The following PIWIL3 variants were observed in gnomAD, a reference collection of about 807,000 sequenced individuals.
The protein encoded by PIWIL3 is piwi like RNA-mediated gene silencing 3, also known as piwi-like protein 3.
Under a neutral mutation model 109.7 loss-of-function variants are expected in PIWIL3, and 101 were observed. That is an observed-to-expected ratio of 0.92 (90% CI 0.78 to 1.09). The LOEUF (loss-of-function observed/expected upper bound fraction) is 1.09. Ranked by LOEUF, PIWIL3 falls within the 50% of genes least tolerant of loss-of-function variation. The pLI is 0.00. For synonymous variants in PIWIL3, 373 were observed against 376.4 expected, an observed-to-expected ratio of 0.99 and a Z score of 0.10; for missense variants, 1,031 against 1,072.6, an observed-to-expected ratio of 0.96 and a Z score of 0.54.
At chr22:24,720,875 C>G (rs558340635) in intron 19 of PIWIL3, among the ~76,000 whole-genome samples, 1 of 152,182 alleles carries the variant, frequency 6.6e-6, no homozygotes, top group Non-Finnish European at 1.5e-5. Context: ...TCCCTGGTAA[C>G]TAAAGAATCT....
At chr22:24,750,921 C>T (rs865969017) in intron 9 of PIWIL3, among the ~76,000 whole-genome samples, 23 of 151,242 alleles carry the variant, frequency 1.5e-4, no homozygotes, top group African/African-American at 4.8e-4. Flanking sequence ...GTCGGAAGCT[C>T]GAGGCCAGCC....
At chr22:24,773,490 C>G (rs1356842142) in intron 1 of PIWIL3, among the ~76,000 whole-genome samples, 1 of 152,098 alleles carries the variant, frequency 6.6e-6, no homozygotes, top group Non-Finnish European at 1.5e-5. Flanking sequence ...AAAATGGAAG[C>G]CTCTGCCACC....
chr22:24,737,225 T>C (rs527413121), intron 12 of PIWIL3, among the ~76,000 whole-genome samples: 1 of 152,198 alleles, frequency 6.6e-6, no homozygotes, highest in Non-Finnish European at 1.5e-5. Flanking sequence ...GTGAAGACTT[T>C]GTCTTGTATC....
At chr22:24,734,242 A>G (rs1923521984) in intron 13 of PIWIL3, 86 bp from the exon 14 acceptor site, 1 of 1,524,406 alleles carries the variant, frequency 6.6e-7, no homozygotes, top group African/African-American at 1.4e-5. Flanking sequence ...ACAAAGTAAG[A>G]CATGATAAAA....
intron 2 of PIWIL3, 101 bp from the exon 3 acceptor site, chr22:24,760,090 A>G (rs1201290802): frequency 7.5e-6 from 11 of 1,463,048 alleles, no homozygotes; most frequent in Middle Eastern, 3.9e-4. Flanking sequence ...ACTTCCTCTG[A>G]AAAGCTCACA....
intron 12 of PIWIL3, among the ~76,000 whole-genome samples, chr22:24,740,730 T>C (rs1476601307): frequency 6.6e-6 from 1 of 151,798 alleles, no homozygotes; most frequent in Non-Finnish European, 1.5e-5. Context: ...AAACAAACTC[T>C]GAACAGGCCA....
At position 24,762,414 on chromosome 22, in the gene PIWIL3, G is replaced by A; in HGVS notation, c.86C>T (p.Ala29Val). 6.2e-7 allele frequency: 1 copy of A among 1,613,816 alleles called. No homozygotes were observed. Among genetic ancestry groups the A allele is most frequent in the Non-Finnish European group, 8.5e-7 (1 of 1,179,860 alleles). Residue 29 changes from alanine (A) to valine (V), a missense_variant, in exon 2 of 21, where the codon GCA (alanine) becomes GTA (valine). Coordinates refer to ENST00000616349, the MANE Select transcript of PIWIL3 (RefSeq NM_001255975.1). ...YQQEAPGGPR[A>V]PGSATTQEPP... Reference sequence around the variant, plus strand: ...AGGGCTCACTGTAGCTGATCCAGGTGCTCTGGGTCCCCCAGGTGCCTCTTG... The same window carrying A: ...AGGGCTCACTGTAGCTGATCCAGGTACTCTGGGTCCCCCAGGTGCCTCTTG...
At chr22:24,735,067 A>T (rs931833279) in intron 13 of PIWIL3, among the ~76,000 whole-genome samples, 1 of 152,108 alleles carries the variant, frequency 6.6e-6, no homozygotes, top group African/African-American at 2.4e-5. Context: ...AAAAATAAAT[A>T]AATTAGTGGT....
intron 12 of PIWIL3, among the ~76,000 whole-genome samples, chr22:24,740,992 T>C (rs891551641): frequency 2.6e-5 from 4 of 151,988 alleles, no homozygotes; most frequent in African/African-American, 7.3e-5. Flanking sequence ...CTGGTGAACA[T>C]AGATGTAAAA....
chr22:24,768,132 T>A (rs901780118), intron 1 of PIWIL3, among the ~76,000 whole-genome samples: 1 of 152,214 alleles, frequency 6.6e-6, no homozygotes, highest in Non-Finnish European at 1.5e-5. Flanking sequence ...AAAACTCTTA[T>A]TGGGGACTGC....
chr22:24,749,413 G>A lies in PIWIL3; in HGVS notation c.1325C>T (p.Thr442Ile). ...RHHTLKEFIN[T>I]LQDNKKVREL... ...GAAAAGCAGCACTTACTCTTGTAGA[G>A]TATTGATGAATTCTTTTAATGTATG... Residue 442 changes from threonine to isoleucine, a missense_variant, in exon 11 of 21, where the codon ACT (threonine) becomes ATT (isoleucine). By Grantham distance (89) the Thr-to-Ile change is moderately conservative. Transcript: ENST00000616349. 6.2e-7 allele frequency: 1 copy of A among 1,613,778 alleles called. No individual in the cohort carries two copies. The highest frequency in any genetic ancestry group is 2.2e-5 in the East Asian group (1 of 44,882).
chr22:24,739,990 G>T (rs1923892362), intron 12 of PIWIL3, among the ~76,000 whole-genome samples: 1 of 146,952 alleles, frequency 6.8e-6, no homozygotes, highest in African/African-American at 2.5e-5. Flanking sequence ...GGTGGAGCTT[G>T]CACTGAGCCA....
intron 9 of PIWIL3, 56 bp from the exon 10 acceptor site, chr22:24,749,875 A>G: frequency 1.2e-6 from 2 of 1,613,418 alleles, no homozygotes; most frequent in Middle Eastern, 3.3e-4. Flanking sequence ...GAAACATCAC[A>G]CACAGAGGTT....
rs1206172863 is a variant in PIWIL3, at chr22:24,751,390, C to T, written c.1086G>A (p.Arg362=). 2 of 1,605,574 alleles carry T rather than the reference C, an allele frequency of 1.2e-6. No individual in the cohort carries two copies. Among genetic ancestry groups the T allele is most frequent in the Non-Finnish European group, 1.7e-6 (2 of 1,177,288 alleles). Residue 362 remains arginine, a synonymous_variant, in exon 9 of 21, where the codon AGG becomes AGA. Coordinates refer to ENST00000616349, the MANE Select transcript of PIWIL3 (RefSeq NM_001255975.1). The stretch of plus-strand genomic sequence containing the variant: ...TTAAAGAAATACAGTTTCATACCTG[C>T]CTGTAGTAGTCTATATAGGTGATTT... ...GSKITYIDYY[R]QQHKEIVTVK... is the part of the protein sequence containing the mutation.
chr22:24,756,766 T>G lies in PIWIL3; in HGVS notation c.356-61A>C, dbSNP rs577065896. The G allele has an allele frequency of 3.6e-6, 5 of 1,407,536 alleles. No homozygotes were observed. The African/African-American group carries it at 4.3e-5, about 12-fold the overall frequency. 87.2% of individuals were successfully genotyped at this position (1,407,536 alleles called of 1,614,324 possible). On this transcript the variant is annotated intron_variant, in intron 4 of 20. Coordinates refer to ENST00000616349, the MANE Select transcript of PIWIL3 (RefSeq NM_001255975.1). ...ACTGATTGGGCCCAAAACAAACAGT[T>G]TGGACACTACAATATTAAAAGCCAA...
chr22:24,753,962 G>C, intron 8 of PIWIL3, 52 bp downstream of exon 8: 2 of 1,448,748 alleles, frequency 1.4e-6, no homozygotes, highest in South Asian at 1.2e-5. Flanking sequence ...CTCTTGGGGT[G>C]GGGGAAGGGG....
In PIWIL3 at chr22:24,719,588, C is replaced by A; in HGVS notation, c.2506G>T (p.Gly836Cys). 1 of 1,580,406 alleles carries A rather than the reference C, an allele frequency of 6.3e-7. No individual in the cohort carries two copies. Among genetic ancestry groups the A allele is most frequent in the South Asian group, 1.2e-5 (1 of 85,302 alleles). The change falls in exon 21 of 21, where the codon GGC (glycine) becomes TGC (cysteine). Residue 836 changes from glycine (G) to cysteine (C), a missense_variant and splice_region_variant. Physicochemically the swap from Gly to Cys is radical, Grantham distance 159. Transcript: ENST00000616349. ...CLCHMYYNLPGIIRVPAPCHY... is the reference protein window; with the variant it reads ...CLCHMYYNLPCIIRVPAPCHY... ...CAAGGCGCTGGAACTCGGATGATGC[C>A]CTTTAGTAGGAAAAGAAAATACACA...
Position 24,754,777 on chromosome 22 carries a change from T to C in PIWIL3, c.773+7A>G. The C allele has an allele frequency of 6.3e-7, 1 of 1,591,202 alleles. No individual in the cohort carries two copies. Among genetic ancestry groups the C allele is most frequent in the Non-Finnish European group, 8.6e-7 (1 of 1,159,396 alleles). ...GCAGAGTGTGAAATTTTCTACTTTA[T>C]ACAAACCCATGACGGTATAACTGAA... On this transcript the variant is annotated splice_region_variant and intron_variant, in intron 7 of 20. Coordinates refer to ENST00000616349, the MANE Select transcript of PIWIL3 (RefSeq NM_001255975.1).
intron 2 of PIWIL3, among the ~76,000 whole-genome samples, chr22:24,760,248 T>G (rs1925343313): frequency 6.6e-6 from 1 of 152,132 alleles, no homozygotes; most frequent in Non-Finnish European, 1.5e-5. Context: ...CAGGTTTCAC[T>G]AGCTGATGGG....
Sources: allele counts gnomAD v4.1 joint callset (sites outside exome capture counted in the v4.1 genomes callset), GRCh38; gene constraint gnomAD v4.1.1; transcripts MANE v1.5; gene names NCBI Gene and HGNC (gene_info 2026-07-23, HGNC 2026-07-21).